AP1B1: variants seen among roughly 807,000 people sequenced by gnomAD.
AP1B1 encodes the protein adaptor related protein complex 1 subunit beta 1.
In AP1B1, 36 loss-of-function variants were observed where a neutral mutation model predicts 104.3. The observed-to-expected ratio is 0.35, with a 90% CI of 0.26 to 0.46. The LOEUF is 0.46. Among genes scored for constraint, AP1B1 ranks in the 20% least tolerant of loss-of-function variants. AP1B1 has a pLI of 1.00. For missense variants in AP1B1, 901 were observed against 1,247.9 expected (o/e 0.72, Z 4.19); for synonymous variants, 504 against 517.5 (o/e 0.97, Z 0.35).
At position 29,329,175 on chromosome 22, in the gene AP1B1, A is replaced by C. The variant is rs1202289620; in HGVS notation, c.2776-280T>G. 5 of 1,277,138 alleles carry C rather than the reference A, an allele frequency of 3.9e-6. No individual in the cohort carries two copies. The East Asian group carries it at 1.9e-4, about 48-fold the overall frequency. The allele number at this position is 1,277,138 out of a possible 1,614,324, so 79.1% of individuals were successfully genotyped here. A position where few individuals can be genotyped will look rare whatever the true frequency, so the allele number is the denominator to read the frequency against. On this transcript the variant is annotated intron_variant, in intron 22 of 22. Coordinates refer to ENST00000357586, the MANE Select transcript of AP1B1 (RefSeq NM_001127.4). The stretch of plus-strand genomic sequence containing the variant: ...TGTGAGTCACGAGCCGGAGGCTGCC[A>C]GGGAGTGCCCGGCCCCCACCCTGAG...
At chr22:29,341,434 G>T in intron 13 of AP1B1, 67 bp downstream of exon 13, 1 of 1,565,876 alleles carries the variant, frequency 6.4e-7, no homozygotes, top group East Asian at 2.3e-5. Flanking sequence ...CCAGGCCTGA[G>T]TGCCTGTGCT....
chr22:29,337,740 C>T (rs1424462109), intron 16 of AP1B1, among the ~76,000 whole-genome samples: 1 of 152,176 alleles, frequency 6.6e-6, no homozygotes, highest in African/African-American at 2.4e-5. Context: ...ACTCTCCTTC[C>T]CTCAGCCCCG....
chr22:29,350,861 C>G (rs563821667), intron 9 of AP1B1, among the ~76,000 whole-genome samples: 1 of 152,334 alleles, frequency 6.6e-6, no homozygotes, highest in Admixed American at 6.5e-5. Flanking sequence ...GGCCCTTACC[C>G]CAGAGCTCTG....
intron 17 of AP1B1, among the ~76,000 whole-genome samples, chr22:29,332,797 G>A (rs1487263298): frequency 6.6e-6 from 1 of 152,170 alleles, no homozygotes; most frequent in African/African-American, 2.4e-5. Flanking sequence ...GAGACCATTT[G>A]GGGAACCCCA....
Position 29,356,558 on chromosome 22 carries a change from T to A in AP1B1, c.584A>T (p.Asn195Ile). 6.2e-7 allele frequency: 1 copy of A among 1,614,134 alleles called. No individual in the cohort carries two copies. The highest frequency in any genetic ancestry group is 1.1e-5 in the South Asian group (1 of 91,070). ...SEIAESHPSS[N>I]LLDLNPQSIN... ...GGACTGTGGGTTCAGATCGAGCAGG[T>A]TGCTGCTGGGGTGAGACTCGGCAAT... Residue 195 changes from asparagine (N) to isoleucine (I), a missense_variant, in exon 6 of 23, where the codon AAC becomes ATC. Physicochemically the swap from Asn to Ile is moderately radical, Grantham distance 149 (BLOSUM62 -3). This residue lies in a region of AP1B1 where 471 missense variants were observed against 696.7 expected (regional missense o/e 0.68). Coordinates refer to ENST00000357586, the MANE Select transcript of AP1B1 (RefSeq NM_001127.4).
intron 1 of AP1B1, among the ~76,000 whole-genome samples, chr22:29,369,393 A>T (rs2267133): frequency 0.61 from 92,105 of 151,352 alleles, 28,685 homozygotes; most frequent in African/African-American, 0.76. Context: ...GTGGATCCTG[A>T]AGGAATAAAG....
intron 11 of AP1B1, among the ~76,000 whole-genome samples, chr22:29,344,010 T>G (rs2061752033): frequency 6.6e-6 from 1 of 150,776 alleles, no homozygotes; most frequent in Non-Finnish European, 1.5e-5. Flanking sequence ...ACTCGGAGGC[T>G]GAGGCAGGAC....
chr22:29,354,354 G>C (rs1057184143), intron 7 of AP1B1, among the ~76,000 whole-genome samples: 1 of 152,118 alleles, frequency 6.6e-6, no homozygotes, highest in African/African-American at 2.4e-5. Flanking sequence ...ATTTCGGGCT[G>C]GACAGTTACT....
At chr22:29,372,430 AAAAAAAAAAAAG>A (rs1381267739) in intron 1 of AP1B1, among the ~76,000 whole-genome samples, 10 of 150,266 alleles carry the variant, frequency 6.7e-5, no homozygotes, top group Admixed American at 2.0e-4. Flanking sequence ...GTCTCAAAAA[AAAAAAAAAAAAG>A]AAAAAAGAAA....
rs369439718 is a variant in AP1B1, at chr22:29,334,282, G to A, written c.2292C>T (p.Ile764=). 2.6e-5 allele frequency: 42 copies of A among 1,603,244 alleles called. No homozygotes were observed. In the Admixed American group the frequency reaches 3.3e-4, roughly 13 times the overall value. Residue 764 remains isoleucine, a synonymous_variant, in exon 17 of 23, where the codon ATC becomes ATT. Transcript: ENST00000357586. ...GCTCTCACCTGTTGCGGTTGAACTG[G>A]ATGGCAAAGTCGGTCATGACCTGCA... ...KALQVMTDFA[I]QFNRNSFGLA... is the part of the protein sequence containing the mutation.
rs737883 is a variant in AP1B1 at position 29,350,264 on chromosome 22, T to C, written c.1156-114A>G. ...AATCACTTCTGGCACACCTTCCTCA[T>C]CACAGTGGGAAAACAGGAGAACCCT... On this transcript the variant is annotated intron_variant, in intron 9 of 22. Coordinates refer to ENST00000357586, the MANE Select transcript of AP1B1 (RefSeq NM_001127.4). 0.38 allele frequency: 275,183 copies of C among 723,688 alleles called. 54,837 individuals carry two copies. The highest frequency in any genetic ancestry group is 0.66 in the East Asian group (24,319 of 36,830). The allele number at this position is 723,688 out of a possible 1,614,324, so 44.8% of individuals were successfully genotyped here.
At chr22:29,339,455 G>C (rs1187392222) in intron 15 of AP1B1, among the ~76,000 whole-genome samples, 2 of 152,246 alleles carry the variant, frequency 1.3e-5, no homozygotes, top group African/African-American at 4.8e-5. Flanking sequence ...ACGCAGATGG[G>C]TGCTCTCCCT....
At chr22:29,329,075 C>A (rs751155902) in intron 22 of AP1B1, 180 bp from the exon 23 acceptor site, 3 of 1,412,972 alleles carry the variant, frequency 2.1e-6, no homozygotes, top group Non-Finnish European at 2.8e-6. Flanking sequence ...CGCAGCCAGC[C>A]GGGTGTGGAC....
At chr22:29,388,387 T>G (rs1165957430) in intron 1 of AP1B1, 37 bp downstream of exon 1, 1 of 152,052 alleles carries the variant, frequency 6.6e-6, no homozygotes, top group Non-Finnish European at 1.5e-5. Context: ...CTCGCCCCAC[T>G]TCTTCTCCTG....
chr22:29,329,493 C>T, intron 22 of AP1B1: 7 of 1,402,190 alleles, frequency 5.0e-6, no homozygotes, highest in Non-Finnish European at 6.5e-6. Context: ...TCAGCAGCAG[C>T]CCACGGGCCC....
chr22:29,359,114 A>G, intron 4 of AP1B1, 143 bp from the exon 5 acceptor site: 3 of 816,684 alleles, frequency 3.7e-6, no homozygotes, highest in Admixed American at 2.7e-5. Context: ...TACAGCCAAC[A>G]ACAGCAAAAG....
chr22:29,356,806 A>G (rs1405032872), intron 5 of AP1B1, among the ~76,000 whole-genome samples, 190 bp from the exon 6 acceptor site: 1 of 152,212 alleles, frequency 6.6e-6, no homozygotes, highest in Non-Finnish European at 1.5e-5. Context: ...AACTGGAACA[A>G]AACAAGTGTG....
At chr22:29,363,561 T>C (rs990905520) in intron 2 of AP1B1, among the ~76,000 whole-genome samples, 2 of 151,956 alleles carry the variant, frequency 1.3e-5, no homozygotes, top group Non-Finnish European at 2.9e-5. Flanking sequence ...GGCAGGGGAA[T>C]TGCTTGAATC....
intron 11 of AP1B1, among the ~76,000 whole-genome samples, chr22:29,345,262 T>C (rs1349538744): frequency 1.3e-5 from 2 of 150,364 alleles, no homozygotes; most frequent in Non-Finnish European, 3.0e-5. Context: ...CTCACTATGT[T>C]GCCCAGGTTG....
Sources: gnomAD v4.1 joint callset for allele counts (sites outside exome capture counted in the v4.1 genomes callset) on GRCh38, gnomAD v4.1.1 for gene constraint, gnomAD v4.1.1 regional missense constraint, MANE v1.5 for transcripts, NCBI Gene and HGNC (gene_info 2026-07-23, HGNC 2026-07-21) for gene names.